Variants in USH2A observed in about 807,000 individuals in gnomAD.
USH2A encodes the protein usherin, also known as Usher syndrome 2A (autosomal recessive, mild).
USH2A carries 443 observed loss-of-function variants against 538.9 expected under a neutral mutation model. That is an observed-to-expected ratio of 0.82 (90% CI 0.76 to 0.89). USH2A has a LOEUF of 0.89. Ranked by LOEUF, USH2A falls within the 40% of genes least tolerant of loss-of-function variation. USH2A has a pLI of 0.00. For missense variants in USH2A, 6,633 were observed against 6,324.8 expected, an observed-to-expected ratio of 1.05 and a Z score of -1.65; for synonymous variants, 2,413 against 2,273.5, an observed-to-expected ratio of 1.06 and a Z score of -1.75.
At chr1:216,353,971 T>C (rs1348742555) in intron 4 of USH2A, among the ~76,000 whole-genome samples, 1 of 152,008 alleles carries the variant, frequency 6.6e-6, no homozygotes, top group African/African-American at 2.4e-5. Context: ...CATACTTAGC[T>C]CAGAGGTAAG....
intron 43 of USH2A, among the ~76,000 whole-genome samples, chr1:215,868,654 G>T (rs1349665213): frequency 6.6e-6 from 1 of 152,188 alleles, no homozygotes; most frequent in African/African-American, 2.4e-5. Flanking sequence ...ATGTAATCAA[G>T]TTAAGATGAG....
intron 23 of USH2A, among the ~76,000 whole-genome samples, chr1:216,087,976 A>G (rs1360270561): frequency 6.6e-6 from 1 of 152,064 alleles, no homozygotes; most frequent in Non-Finnish European, 1.5e-5. Context: ...CCTTCTTTCA[A>G]AGTAAAAGCC....
chr1:215,749,665 C>T (rs963297208), intron 58 of USH2A, among the ~76,000 whole-genome samples: 3 of 152,154 alleles, frequency 2.0e-5, no homozygotes, highest in African/African-American at 7.2e-5. Flanking sequence ...AGCCACACGA[C>T]TTGGTTAGTT....
chr1:215,741,285 T>C, intron 60 of USH2A, 90 bp downstream of exon 60: 5 of 1,452,234 alleles, frequency 3.4e-6, no homozygotes, highest in Non-Finnish European at 4.8e-6. Flanking sequence ...ATTCATTCTC[T>C]TATGGAAATA....
chr1:216,183,435 A>G (rs1486140279), intron 20 of USH2A, among the ~76,000 whole-genome samples: 1 of 152,028 alleles, frequency 6.6e-6, no homozygotes, highest in Non-Finnish European at 1.5e-5. Context: ...CTTTGCAATC[A>G]TATTTCTTTA....
At chr1:216,151,269 T>A (rs1044964302) in intron 21 of USH2A, among the ~76,000 whole-genome samples, 23 of 152,092 alleles carry the variant, frequency 1.5e-4, no homozygotes, top group African/African-American at 5.6e-4. Flanking sequence ...CTCACCTTTT[T>A]ACTTTACATC....
chr1:216,302,336 A>C (rs1449029683), intron 9 of USH2A, among the ~76,000 whole-genome samples: 2 of 152,178 alleles, frequency 1.3e-5, no homozygotes, highest in Non-Finnish European at 2.9e-5. Context: ...AGTAACATTA[A>C]AGGTTTAAAG....
chr1:216,198,629 G>C, intron 17 of USH2A, 45 bp from the exon 18 acceptor site: 1 of 1,587,068 alleles, frequency 6.3e-7, no homozygotes, highest in Non-Finnish European at 8.6e-7. Flanking sequence ...TCAGACAAAG[G>C]GGTTACTTTA....
At chr1:216,308,738 A>G (rs1332887421) in intron 9 of USH2A, among the ~76,000 whole-genome samples, 1 of 152,174 alleles carries the variant, frequency 6.6e-6, no homozygotes. Flanking sequence ...TTGAAACTAT[A>G]TTATGAGATG....
rs780036975 is a variant in USH2A at position 215,798,980 on chromosome 1, A to G, written c.9885T>C (p.Cys3295=). 1 of 1,614,000 alleles carries G rather than the reference A, an allele frequency of 6.2e-7. No individual in the cohort carries two copies. The change falls in exon 50 of 72, where the codon TGT becomes TGC. Residue 3295 remains cysteine (C), a synonymous_variant. Coordinates refer to ENST00000307340, the MANE Select transcript of USH2A (RefSeq NM_206933.4). ...AATCGTTGCTCACAATCTGTCTGCC[A>G]CAGCACTTCTGGCCATGGCCATCAT... ...RLHDGHGQKC[C]GRQIVSNDLE... is the part of the protein sequence containing the mutation.
At chr1:216,100,177 CAT>C (rs1468472170) in intron 21 of USH2A, among the ~76,000 whole-genome samples, 1 of 152,110 alleles carries the variant, frequency 6.6e-6, no homozygotes, top group African/African-American at 2.4e-5. Context: ...CTGGTAATGA[CAT>C]AATCTTTTTC....
At chr1:216,012,919 A>G (rs1350264742) in intron 32 of USH2A, among the ~76,000 whole-genome samples, 2 of 152,052 alleles carry the variant, frequency 1.3e-5, no homozygotes, top group Non-Finnish European at 2.9e-5. Context: ...CTGTCTAGTC[A>G]TACTCCTATT....
chr1:216,340,315 C>T (rs899061457), intron 4 of USH2A, among the ~76,000 whole-genome samples: 5 of 151,884 alleles, frequency 3.3e-5, no homozygotes, highest in South Asian at 2.1e-4. Context: ...CCTGAATAGA[C>T]GAATAATGAG....
At chr1:215,992,973 CCTTTGCTAATCAT>C in intron 35 of USH2A, 34 bp downstream of exon 35, 1 of 1,613,242 alleles carries the variant, frequency 6.2e-7, no homozygotes. Context: ...TATTAATTTA[CCTTTGCTAATCAT>C]CTTTTTAACT....
chr1:215,893,853 G>A, intron 40 of USH2A, among the ~76,000 whole-genome samples: 1 of 151,716 alleles, frequency 6.6e-6, no homozygotes, highest in East Asian at 1.9e-4. Flanking sequence ...GGTCATTTTT[G>A]GCTTGAATAA....
chr1:215,894,117 C>G (rs913997964), intron 40 of USH2A, among the ~76,000 whole-genome samples: 3 of 152,018 alleles, frequency 2.0e-5, no homozygotes, highest in Non-Finnish European at 4.4e-5. Flanking sequence ...TGTCAGCAAT[C>G]AGAGGTTAGT....
At position 215,782,122 on chromosome 1, in the gene USH2A, T is replaced by C. The variant is rs1368360656; in HGVS notation, c.10660A>G (p.Lys3554Glu). ...FRGTSLSFSD[K>E]EGIQPFQEYS... ...TCCTGAAATGGTTGAATTCCCTCTT[T>C]ATCAGAGAAGCTCAGTGATGTTCCC... The change falls in exon 54 of 72, where the codon AAA (lysine) becomes GAA (glutamate). Residue 3554 changes from lysine (K) to glutamate (E), a missense_variant. Lys to Glu is a moderately conservative substitution (Grantham distance 56). Coordinates refer to ENST00000307340, the MANE Select transcript of USH2A (RefSeq NM_206933.4). 6.2e-7 allele frequency: 1 copy of C among 1,614,010 alleles called. No individual in the cohort carries two copies. Among genetic ancestry groups the C allele is most frequent in the Non-Finnish European group, 8.5e-7 (1 of 1,179,906 alleles).
chr1:215,867,570 T>C (rs911357744), intron 43 of USH2A, among the ~76,000 whole-genome samples: 11 of 152,356 alleles, frequency 7.2e-5, no homozygotes, highest in African/African-American at 2.6e-4. Context: ...TTTTATGCTC[T>C]TCTTTTTGGA....
chr1:215,802,121 C>CA (rs944036110), intron 49 of USH2A, among the ~76,000 whole-genome samples: 4 of 151,252 alleles, frequency 2.6e-5, no homozygotes, highest in African/African-American at 9.7e-5. Flanking sequence ...AAAACTAACT[C>CA]AAAATGGATC....
Sources: gnomAD v4.1 joint callset for allele counts (sites outside exome capture counted in the v4.1 genomes callset) on GRCh38, gnomAD v4.1.1 for gene constraint, MANE v1.5 for transcripts, NCBI Gene and HGNC (gene_info 2026-07-23, HGNC 2026-07-21) for gene names.